The following LARS2 variants were observed in gnomAD, a reference collection of about 807,000 sequenced individuals.
LARS2 encodes the protein leucine--tRNA ligase, mitochondrial.
Under a neutral mutation model 116.6 loss-of-function variants are expected in LARS2, and 81 were observed. The observed-to-expected ratio is 0.69, with a 90% confidence interval of 0.58 to 0.84. The LOEUF is 0.84. Ranked by LOEUF, LARS2 falls within the 40% of genes least tolerant of loss-of-function variation. The pLI is 0.00. For missense variants in LARS2, 968 were observed against 1,114.5 expected, an observed-to-expected ratio of 0.87 and a Z score of 1.87; for synonymous variants, 396 against 407.2, an observed-to-expected ratio of 0.97 and a Z score of 0.33.
chr3:45,515,013 T>A (rs1700351316), intron 16 of LARS2, among the ~76,000 whole-genome samples: 1 of 152,246 alleles, frequency 6.6e-6, no homozygotes, highest in Non-Finnish European at 1.5e-5. Context: ...GTAACTCTCA[T>A]GAAGTATGGA....
intron 15 of LARS2, among the ~76,000 whole-genome samples, chr3:45,501,665 C>T (rs945037011): frequency 3.9e-5 from 6 of 152,152 alleles, no homozygotes; most frequent in Non-Finnish European, 5.9e-5. Flanking sequence ...CTGACATATG[C>T]GTCACCATTT....
At chr3:45,443,411 C>T (rs1698947377) in intron 6 of LARS2, among the ~76,000 whole-genome samples, 1 of 152,170 alleles carries the variant, frequency 6.6e-6, no homozygotes, top group Admixed American at 6.5e-5. Flanking sequence ...GGGAAGGTTC[C>T]AGAGGGCTCT....
At chr3:45,460,554 C>A (rs1456899165) in intron 8 of LARS2, among the ~76,000 whole-genome samples, 1 of 152,168 alleles carries the variant, frequency 6.6e-6, no homozygotes, top group Non-Finnish European at 1.5e-5. Context: ...TGGTTAGTTA[C>A]CATGGTGACT....
At chr3:45,444,803 T>A (rs1698990901) in intron 6 of LARS2, among the ~76,000 whole-genome samples, 1 of 150,682 alleles carries the variant, frequency 6.6e-6, no homozygotes, top group African/African-American at 2.4e-5. Flanking sequence ...TAAAATATGT[T>A]GTATATGTGT....
intron 8 of LARS2, 146 bp from the exon 9 acceptor site, chr3:45,474,097 C>T (rs1439807792): frequency 7.9e-6 from 4 of 507,426 alleles, no homozygotes; most frequent in African/African-American, 5.7e-5. Context: ...TCCTGGCTTC[C>T]TCTGACTTAG....
intron 8 of LARS2, among the ~76,000 whole-genome samples, chr3:45,465,477 G>A (rs991131767): frequency 2.0e-5 from 3 of 152,302 alleles, no homozygotes; most frequent in Non-Finnish European, 2.9e-5. Flanking sequence ...GGGCACAGAG[G>A]CCACAGAAAA....
intron 6 of LARS2, among the ~76,000 whole-genome samples, chr3:45,434,499 T>C (rs1326227369): frequency 1.3e-5 from 2 of 152,226 alleles, no homozygotes; most frequent in Non-Finnish European, 2.9e-5. Flanking sequence ...GTGTTCATAA[T>C]TACTTGTTGA....
intron 6 of LARS2, among the ~76,000 whole-genome samples, chr3:45,424,307 C>G (rs1559464262): frequency 1.3e-5 from 2 of 152,196 alleles, no homozygotes. Context: ...TAAATAGGCT[C>G]AGAACACCTA....
chr3:45,426,033 C>A (rs1698590405), intron 6 of LARS2, among the ~76,000 whole-genome samples: 1 of 151,582 alleles, frequency 6.6e-6, no homozygotes, highest in Middle Eastern at 3.2e-3. Context: ...CCATCCAAAA[C>A]ATATAGACTC....
chr3:45,540,619 G>T (rs559559814), intron 20 of LARS2, among the ~76,000 whole-genome samples: 2 of 152,306 alleles, frequency 1.3e-5, no homozygotes, highest in African/African-American at 4.8e-5. Flanking sequence ...TCCAGAATGG[G>T]CATGCTGGCC....
intron 6 of LARS2, among the ~76,000 whole-genome samples, chr3:45,433,548 T>C (rs1353609589): frequency 6.6e-6 from 1 of 152,160 alleles, no homozygotes; most frequent in African/African-American, 2.4e-5. Flanking sequence ...TTCCCATTTG[T>C]AACAATTGTT....
At chr3:45,473,680 G>C (rs1162805020) in intron 8 of LARS2, among the ~76,000 whole-genome samples, 1 of 150,272 alleles carries the variant, frequency 6.7e-6, no homozygotes, top group African/African-American at 2.5e-5. Context: ...CACTGCACCT[G>C]GCCTGTTGTT....
chr3:45,393,199 T>G (rs1697986374), intron 2 of LARS2, among the ~76,000 whole-genome samples: 1 of 152,170 alleles, frequency 6.6e-6, no homozygotes, highest in Admixed American at 6.5e-5. Flanking sequence ...TGACCACATG[T>G]TATATATTTT....
chr3:45,522,632 T>G (rs1700472181), intron 19 of LARS2, among the ~76,000 whole-genome samples: 1 of 152,134 alleles, frequency 6.6e-6, no homozygotes, highest in Non-Finnish European at 1.5e-5. Flanking sequence ...TCCCAGGCAC[T>G]CAGGAGGCTG....
chr3:45,403,645 G>A (rs1218728546), intron 4 of LARS2, among the ~76,000 whole-genome samples: 1 of 152,162 alleles, frequency 6.6e-6, no homozygotes, highest in African/African-American at 2.4e-5. Flanking sequence ...AGGTGGTTGA[G>A]GGGCTTGTAG....
At chr3:45,490,707 A>G (rs1251272211) in intron 12 of LARS2, among the ~76,000 whole-genome samples, 1 of 152,202 alleles carries the variant, frequency 6.6e-6, no homozygotes, top group Non-Finnish European at 1.5e-5. Flanking sequence ...TTGTGGCCCC[A>G]ATGGCTAGCA....
intron 19 of LARS2, among the ~76,000 whole-genome samples, chr3:45,522,267 G>A (rs1700467170): frequency 6.6e-6 from 1 of 152,178 alleles, no homozygotes; most frequent in Non-Finnish European, 1.5e-5. Flanking sequence ...AGTGTTCACT[G>A]CAGATAATTT....
intron 6 of LARS2, among the ~76,000 whole-genome samples, chr3:45,443,723 T>C (rs1026064928): frequency 1.3e-5 from 2 of 152,188 alleles, no homozygotes; most frequent in Admixed American, 1.3e-4. Flanking sequence ...CCGCCAGTGA[T>C]TGGAATAATG....
rs764747411 is a variant in LARS2 at position 45,458,818 on chromosome 3, C to G, written c.682C>G (p.Arg228Gly). Residue 228 changes from arginine to glycine, a missense_variant, in exon 8 of 22, where the codon CGT (arginine) becomes GGT (glycine). Transcript: ENST00000645846. The stretch of plus-strand genomic sequence containing the variant: ...GGTGGATGAACATGGCTGTTCATGG[C>G]GTTCTGGAGCAAAGGTGGAACAGAA... ...EQVDEHGCSWRSGAKVEQKYL... is the reference protein window; with the variant it reads ...EQVDEHGCSWGSGAKVEQKYL... 6.2e-7 allele frequency: 1 copy of G among 1,613,862 alleles called. No homozygotes were observed. Among genetic ancestry groups the G allele is most frequent in the Non-Finnish European group, 8.5e-7 (1 of 1,179,906 alleles).
Sources: gnomAD v4.1 joint callset for allele counts (sites outside exome capture counted in the v4.1 genomes callset) on GRCh38, gnomAD v4.1.1 for gene constraint, MANE v1.5 for transcripts, NCBI Gene and HGNC (gene_info 2026-07-23, HGNC 2026-07-21) for gene names.